NDUFAF7: variants seen among roughly 807,000 people sequenced by gnomAD.
NDUFAF7 encodes NADH:ubiquinone oxidoreductase complex assembly factor 7.
NDUFAF7 carries 48 observed loss-of-function variants against 47.2 expected under a neutral mutation model. That is an observed-to-expected ratio of 1.02 (90% CI 0.81 to 1.29). The LOEUF (loss-of-function observed/expected upper bound fraction) is 1.29. Ranked by LOEUF, NDUFAF7 falls within the 50% of genes most tolerant of loss-of-function variation. The pLI is 0.00. For synonymous variants in NDUFAF7, 217 were observed against 190.0 expected (o/e 1.14, Z -1.17); for missense variants, 635 against 537.6 (o/e 1.18, Z -1.79).
At chr2:37,246,345 C>T (rs1666898680) in intron 8 of NDUFAF7, 150 bp downstream of exon 8, 4 of 961,428 alleles carry the variant, frequency 4.2e-6, no homozygotes, top group Middle Eastern at 6.4e-4. Context: ...TCCCCTTAAC[C>T]CTAGTTCTTA....
the NDUFAF7 span, among the ~76,000 whole-genome samples, chr2:37,264,211 A>G: frequency 1.3e-5 from 2 of 152,232 alleles, no homozygotes; most frequent in Non-Finnish European, 2.9e-5. Context: ...ATAGACATAC[A>G]TAATGTACAC....
intron 7 of NDUFAF7, 52 bp from the exon 8 acceptor site, chr2:37,246,000 A>G (rs1666857177): frequency 3.8e-6 from 6 of 1,592,006 alleles, no homozygotes; most frequent in Non-Finnish European, 5.2e-6. Context: ...ACCGTAAGGA[A>G]GTCATTCTTT....
intron 7 of NDUFAF7, among the ~76,000 whole-genome samples, chr2:37,244,296 T>C (rs1003894755): frequency 1.3e-5 from 2 of 152,248 alleles, no homozygotes; most frequent in East Asian, 3.8e-4. Context: ...AGTTTACATC[T>C]GTGAAAGCAA....
chr2:37,249,406 A>G (rs547134955), downstream of NDUFAF7, among the ~76,000 whole-genome samples: 41 of 152,182 alleles, frequency 2.7e-4, 1 homozygote, highest in South Asian at 8.3e-3. Context: ...GTGAAACCCC[A>G]TTTCTACTAA....
chr2:37,249,894 T>C (rs1382178411), downstream of NDUFAF7, among the ~76,000 whole-genome samples: 1 of 151,996 alleles, frequency 6.6e-6, no homozygotes, highest in Non-Finnish European at 1.5e-5. Context: ...TCATTGGCAG[T>C]GATGAACTGT....
intron 3 of NDUFAF7, among the ~76,000 whole-genome samples, chr2:37,236,462 G>A (rs888882084): frequency 1.3e-5 from 2 of 151,874 alleles, no homozygotes; most frequent in African/African-American, 4.8e-5. Context: ...ACAGAAAAAG[G>A]AGAATCAGAT....
rs756442818 is a variant in NDUFAF7, at chr2:37,231,724, T to A, written c.19T>A (p.Ser7Thr). The A allele has an allele frequency of 1.9e-5, 30 of 1,614,002 alleles. No homozygotes were observed. Among genetic ancestry groups the A allele is most frequent in the Admixed American group, 3.3e-5 (2 of 59,996 alleles). ...TTTCAGCATGAGTGTACTGCTGAGG[T>A]CAGGTTTGGGGCCGTTGTGTGCCGT... MSVLLR[S>T]GLGPLCAVAR... is the part of the protein sequence containing the mutation. Residue 7 changes from serine (S) to threonine (T), a missense_variant, in exon 1 of 10, where the codon TCA becomes ACA. Transcript: ENST00000002125.
chr2:37,231,829 G>C, intron 1 of NDUFAF7, 69 bp downstream of exon 1: 3 of 1,606,788 alleles, frequency 1.9e-6, no homozygotes, highest in Admixed American at 1.7e-5. Flanking sequence ...CAGCTCTTCA[G>C]TTGAGGGTAC....
Position 37,231,773 on chromosome 2 carries a change from C to T in NDUFAF7, c.55+13C>T, listed in dbSNP as rs761081910. On this transcript the variant is annotated intron_variant, in intron 1 of 9. Transcript: ENST00000002125. Reference sequence around the variant, plus strand: ...GTGGCGCGCGCAGGTAAGCGTCAGTCCCCTCGAAGCCCGGTTGCCGTGGAA... The same window carrying T: ...GTGGCGCGCGCAGGTAAGCGTCAGTTCCCTCGAAGCCCGGTTGCCGTGGAA... 6 of 1,614,082 alleles carry T rather than the reference C, an allele frequency of 3.7e-6. No homozygotes were observed. In the East Asian group the frequency reaches 1.1e-4, roughly 30 times the overall value.
downstream of NDUFAF7, among the ~76,000 whole-genome samples, chr2:37,249,798 T>C (rs1210791072): frequency 6.6e-6 from 1 of 152,158 alleles, no homozygotes; most frequent in African/African-American, 2.4e-5. Context: ...AATTATTAAT[T>C]AGCAACACAG....
chr2:37,270,557 G>A, the NDUFAF7 span, among the ~76,000 whole-genome samples: 1 of 151,890 alleles, frequency 6.6e-6, no homozygotes, highest in South Asian at 2.1e-4. Flanking sequence ...ATACTAATTT[G>A]GGATGTTTAC....
downstream of NDUFAF7, chr2:37,256,656 T>TC: frequency 7.9e-7 from 1 of 1,260,270 alleles, no homozygotes; most frequent in Non-Finnish European, 1.0e-6. Flanking sequence ...TTTTTTTTTT[T>TC]TTTACCTTCA....
chr2:37,266,867 T>C, the NDUFAF7 span, among the ~76,000 whole-genome samples: 1 of 152,224 alleles, frequency 6.6e-6, no homozygotes, highest in Admixed American at 6.5e-5. Flanking sequence ...TTATAAATTA[T>C]TTATATGATA....
chr2:37,261,540 C>T, the NDUFAF7 span, among the ~76,000 whole-genome samples: 11 of 151,800 alleles, frequency 7.2e-5, no homozygotes, highest in South Asian at 8.3e-4. Flanking sequence ...CAACATTTTG[C>T]GAGGCCAAGG....
chr2:37,233,621 C>CAA (rs1175933313), intron 2 of NDUFAF7, among the ~76,000 whole-genome samples: 13 of 62,414 alleles, frequency 2.1e-4, no homozygotes, highest in African/African-American at 6.5e-4. Flanking sequence ...GACTCTGTCT[C>CAA]AAAAAAAAAA....
chr2:37,253,999 T>C (rs997732745), downstream of NDUFAF7, among the ~76,000 whole-genome samples: 1 of 152,216 alleles, frequency 6.6e-6, no homozygotes, highest in African/African-American at 2.4e-5. Flanking sequence ...GGCTAAGTCA[T>C]TGCTTTCAGT....
downstream of NDUFAF7, chr2:37,253,535 A>T (rs989209991): frequency 4.1e-6 from 2 of 490,638 alleles, no homozygotes; most frequent in African/African-American, 4.0e-5. Context: ...ATTTAAAGAA[A>T]TTTTTCAAAC....
At chr2:37,256,510 A>G, downstream of NDUFAF7, 1 of 1,075,624 alleles carries the variant, frequency 9.3e-7, no homozygotes, top group Non-Finnish European at 1.3e-6. Flanking sequence ...GAGTGCTCAA[A>G]AAACTGGTAA....
chr2:37,263,917 A>C, the NDUFAF7 span, among the ~76,000 whole-genome samples: 1 of 152,278 alleles, frequency 6.6e-6, no homozygotes, highest in South Asian at 2.1e-4. Context: ...GAACGGGAAA[A>C]TGCTGAATTT....
Sources: allele counts gnomAD v4.1 joint callset (sites outside exome capture counted in the v4.1 genomes callset), GRCh38; gene constraint gnomAD v4.1.1; transcripts MANE v1.5; gene names NCBI Gene and HGNC (gene_info 2026-07-23, HGNC 2026-07-21).